ANKS1B: variants seen among roughly 807,000 people sequenced by gnomAD.
The protein encoded by ANKS1B is ankyrin repeat and sterile alpha motif domain containing 1B.
A neutral mutation model predicts 148.3 loss-of-function variants in ANKS1B; 36 were observed. That is an observed-to-expected ratio of 0.24 (90% CI 0.19 to 0.32). The LOEUF is 0.32. Among genes scored for constraint, ANKS1B ranks in the 10% least tolerant of loss-of-function variants. The pLI is 1.00. For missense variants in ANKS1B, 1,157 were observed against 1,542.6 expected, an observed-to-expected ratio of 0.75 and a Z score of 4.19; for synonymous variants, 542 against 560.8, an observed-to-expected ratio of 0.97 and a Z score of 0.47.
intron 12 of ANKS1B, among the ~76,000 whole-genome samples, chr12:99,326,711 A>T (rs115810960): frequency 6.7e-6 from 1 of 149,198 alleles, no homozygotes; most frequent in Non-Finnish European, 1.5e-5. Flanking sequence ...TTATATTTTA[A>T]TTTTTTTTTT....
chr12:99,429,640 C>T (rs1265174782), intron 11 of ANKS1B, among the ~76,000 whole-genome samples: 6 of 152,150 alleles, frequency 3.9e-5, no homozygotes, highest in Non-Finnish European at 8.8e-5. Context: ...TGTTTGTGTT[C>T]TGGTTATAGA....
At chr12:99,163,004 G>A (rs2076829050) in intron 14 of ANKS1B, among the ~76,000 whole-genome samples, 1 of 151,896 alleles carries the variant, frequency 6.6e-6, no homozygotes. Flanking sequence ...GTTGCAGTGA[G>A]CCAAGATTGT....
intron 8 of ANKS1B, among the ~76,000 whole-genome samples, chr12:99,672,765 T>G (rs374449871): frequency 1.3e-5 from 2 of 152,290 alleles, no homozygotes; most frequent in African/African-American, 4.8e-5. Flanking sequence ...AATACCTTTA[T>G]AGTTTGTTTT....
intron 14 of ANKS1B, among the ~76,000 whole-genome samples, chr12:99,215,289 C>T (rs975740196): frequency 3.9e-5 from 6 of 152,140 alleles, no homozygotes; most frequent in Non-Finnish European, 7.4e-5. Context: ...GGTGTGCTGC[C>T]GGGGCAAAGC....
intron 16 of ANKS1B, among the ~76,000 whole-genome samples, chr12:99,081,448 G>C (rs2372640): frequency 0.58 from 87,741 of 152,060 alleles, 25,919 homozygotes; most frequent in East Asian, 0.75. Flanking sequence ...GCAGTGCAAA[G>C]TTAAAGTGAA....
chr12:99,544,722 A>G (rs898922455), intron 9 of ANKS1B, among the ~76,000 whole-genome samples: 1 of 152,158 alleles, frequency 6.6e-6, no homozygotes, highest in Non-Finnish European at 1.5e-5. Context: ...TTAGCTGTGC[A>G]TGTGGAACAT....
At chr12:99,218,785 T>G (rs2084638095) in intron 14 of ANKS1B, among the ~76,000 whole-genome samples, 1 of 152,162 alleles carries the variant, frequency 6.6e-6, no homozygotes, top group Non-Finnish European at 1.5e-5. Flanking sequence ...GAACTAATAG[T>G]GCCAAGCTCA....
intron 1 of ANKS1B, among the ~76,000 whole-genome samples, chr12:99,916,964 A>G (rs2094190373): frequency 1.3e-5 from 2 of 152,234 alleles, no homozygotes; most frequent in Admixed American, 6.5e-5. Context: ...TATATTTTAC[A>G]AAAAGATCAC....
intron 15 of ANKS1B, among the ~76,000 whole-genome samples, chr12:99,130,379 G>A (rs2065757651): frequency 6.6e-6 from 1 of 152,134 alleles, no homozygotes; most frequent in African/African-American, 2.4e-5. Context: ...GTGGCATCAT[G>A]TATATTTTTG....
chr12:99,423,375 C>T (rs1210769395), intron 11 of ANKS1B, among the ~76,000 whole-genome samples: 3 of 152,138 alleles, frequency 2.0e-5, no homozygotes, highest in Non-Finnish European at 2.9e-5. Context: ...AACACTCATA[C>T]ACTGTTGGTG....
chr12:99,465,788 T>C (rs1370308279), intron 10 of ANKS1B, among the ~76,000 whole-genome samples: 1 of 152,126 alleles, frequency 6.6e-6, no homozygotes, highest in African/African-American at 2.4e-5. Context: ...CCCAGATTCA[T>C]AAAGCAAGTC....
intron 9 of ANKS1B, among the ~76,000 whole-genome samples, chr12:99,567,928 C>T (rs1308850305): frequency 6.6e-6 from 1 of 152,210 alleles, no homozygotes; most frequent in African/African-American, 2.4e-5. Flanking sequence ...CATGAGTCAG[C>T]TCCCCTGCCC....
intron 4 of ANKS1B, among the ~76,000 whole-genome samples, chr12:99,782,674 T>C (rs2064482237): frequency 6.6e-6 from 1 of 152,214 alleles, no homozygotes; most frequent in South Asian, 2.1e-4. Flanking sequence ...CACAAGGCTT[T>C]TGTGACTATG....
chr12:99,939,353 G>C lies in ANKS1B; in HGVS notation c.134+44751C>G, dbSNP rs983492439. On this transcript the variant is annotated intron_variant, in intron 1 of 26. Transcript: ENST00000683438. ...AATCCTCCCACCTCAGCCTCCCAAA[G>C]TGCTGGGATTACAGGTGTGAGCCAC... Among the ~76,000 whole-genome samples the C allele has an allele frequency of 3.3e-5, 5 of 152,204 alleles. No homozygotes were observed. In the East Asian group the frequency reaches 7.7e-4, roughly 24 times the overall value.
chr12:99,267,349 G>GACTC (rs1382225565), intron 12 of ANKS1B, among the ~76,000 whole-genome samples: 1 of 151,772 alleles, frequency 6.6e-6, no homozygotes, highest in Non-Finnish European at 1.5e-5. Flanking sequence ...TTTCTCTCCT[G>GACTC]ACTCTCTCTC....
chr12:98,941,763 T>C (rs1469079560), intron 17 of ANKS1B, among the ~76,000 whole-genome samples: 1 of 152,200 alleles, frequency 6.6e-6, no homozygotes, highest in Non-Finnish European at 1.5e-5. Flanking sequence ...ACTTGTATTA[T>C]TGTATAAGTA....
chr12:99,630,276 C>T (rs945361116), intron 9 of ANKS1B, among the ~76,000 whole-genome samples: 1 of 152,102 alleles, frequency 6.6e-6, no homozygotes, highest in African/African-American at 2.4e-5. Flanking sequence ...CTCATTAATT[C>T]ATTCTCTAAT....
intron 8 of ANKS1B, among the ~76,000 whole-genome samples, chr12:99,743,779 C>T (rs2060334431): frequency 1.3e-5 from 2 of 152,158 alleles, no homozygotes; most frequent in South Asian, 4.2e-4. Flanking sequence ...CCCAAGACAA[C>T]AGCCTTAGAA....
chr12:99,802,435 TTGAC>T (rs1017860816), intron 4 of ANKS1B, among the ~76,000 whole-genome samples: 9 of 152,124 alleles, frequency 5.9e-5, no homozygotes, highest in Non-Finnish European at 1.2e-4. Context: ...ATATCTTACT[TTGAC>T]TGATTCTCTT....
Sources: gnomAD v4.1 joint callset for allele counts (sites outside exome capture counted in the v4.1 genomes callset) on GRCh38, gnomAD v4.1.1 for gene constraint, MANE v1.5 for transcripts, NCBI Gene and HGNC (gene_info 2026-07-23, HGNC 2026-07-21) for gene names.